CNTN4: variants seen among roughly 807,000 people sequenced by gnomAD.
CNTN4 encodes the protein contactin-4.
Under a neutral mutation model 122.5 loss-of-function variants are expected in CNTN4, and 77 were observed. The observed-to-expected ratio is 0.63, with a 90% CI of 0.52 to 0.76. The LOEUF is 0.76. CNTN4 is among the 30% of genes least tolerant of loss of function. CNTN4 has a pLI of 0.00. For synonymous variants in CNTN4, 512 were observed against 447.0 expected (o/e 1.15, Z -1.83); for missense variants, 1,256 against 1,259.1 (o/e 1.00, Z 0.04).
intron 3 of CNTN4, among the ~76,000 whole-genome samples, chr3:2,447,353 G>A (rs2048664046): frequency 6.6e-6 from 1 of 152,034 alleles, no homozygotes; most frequent in African/African-American, 2.4e-5. Flanking sequence ...AAGAGTTAGT[G>A]TTGTAATAAA....
chr3:3,012,549 A>G (rs1213260654), intron 14 of CNTN4, among the ~76,000 whole-genome samples: 1 of 152,002 alleles, frequency 6.6e-6, no homozygotes, highest in African/African-American at 2.4e-5. Flanking sequence ...TCCTGGGTTC[A>G]TGCAGTTCTC....
At chr3:2,654,951 T>C in intron 4 of CNTN4, among the ~76,000 whole-genome samples, 1 of 152,172 alleles carries the variant, frequency 6.6e-6, no homozygotes, top group East Asian at 1.9e-4. Flanking sequence ...CACTTCAGAA[T>C]GTATAGAACT....
chr3:2,181,031 GTTTGT>G (rs1363057329), intron 2 of CNTN4, among the ~76,000 whole-genome samples: 1 of 152,022 alleles, frequency 6.6e-6, no homozygotes, highest in Non-Finnish European at 1.5e-5. Flanking sequence ...TGGGAAACTT[GTTTGT>G]TTTTAGTTTA....
chr3:2,640,004 T>C (rs181767656), intron 4 of CNTN4, among the ~76,000 whole-genome samples: 2 of 152,314 alleles, frequency 1.3e-5, no homozygotes, highest in African/African-American at 4.8e-5. Context: ...TTAATTGAAT[T>C]CAATGAACCA....
At chr3:2,308,252 TC>T (rs1160307716) in intron 2 of CNTN4, among the ~76,000 whole-genome samples, 37 of 152,042 alleles carry the variant, frequency 2.4e-4, no homozygotes, top group Non-Finnish European at 4.7e-4. Context: ...TCTGTTGTTA[TC>T]CCCCCTTTTA....
chr3:2,810,913 A>T (rs1356651652), intron 6 of CNTN4, among the ~76,000 whole-genome samples: 1 of 152,168 alleles, frequency 6.6e-6, no homozygotes, highest in African/African-American at 2.4e-5. Context: ...GAGGGCTGGA[A>T]TCAGCACCTG....
At chr3:2,962,295 G>A (rs2094869023) in intron 13 of CNTN4, among the ~76,000 whole-genome samples, 1 of 152,166 alleles carries the variant, frequency 6.6e-6, no homozygotes, top group South Asian at 2.1e-4. Flanking sequence ...GTGCAGCACA[G>A]GAAATCCCAG....
intron 2 of CNTN4, among the ~76,000 whole-genome samples, chr3:2,328,687 A>G (rs1236594172): frequency 6.6e-6 from 1 of 152,152 alleles, no homozygotes; most frequent in African/African-American, 2.4e-5. Flanking sequence ...ATAAAAAATA[A>G]CAAAAATGTT....
intron 4 of CNTN4, among the ~76,000 whole-genome samples, chr3:2,708,644 C>T (rs1543148): frequency 0.039 from 5,917 of 150,912 alleles, 175 homozygotes; most frequent in South Asian, 0.11. Flanking sequence ...AATCTGGAGA[C>T]CTTCATGTAC....
chr3:2,163,056 C>T (rs1393900914), intron 2 of CNTN4, among the ~76,000 whole-genome samples: 1 of 152,162 alleles, frequency 6.6e-6, no homozygotes, highest in Non-Finnish European at 1.5e-5. Context: ...AAGGTCATGC[C>T]ACTGCACCCC....
intron 3 of CNTN4, among the ~76,000 whole-genome samples, chr3:2,364,766 C>G (rs550972987): frequency 1.3e-5 from 2 of 152,164 alleles, no homozygotes; most frequent in Admixed American, 1.3e-4. Context: ...TTAGTGATTC[C>G]AACAAAGTTA....
intron 2 of CNTN4, among the ~76,000 whole-genome samples, chr3:2,311,294 C>G (rs1487313042): frequency 2.0e-5 from 3 of 152,090 alleles, no homozygotes; most frequent in African/African-American, 7.2e-5. Context: ...ATTTGAAATA[C>G]TCTTGCCTCT....
chr3:2,344,798 C>A lies in CNTN4; in HGVS notation c.-89+5565C>A, dbSNP rs1685493. ...CAGTTAGGAAATAGACCCTCCATAA[C>A]TGATACTTTTATAATTAGTATTATT... is the stretch of plus-strand genomic sequence containing the variant. On this transcript the variant is annotated intron_variant, in intron 3 of 24. Transcript: ENST00000418658. Among the ~76,000 whole-genome samples, 135 of 152,240 alleles carry A rather than the reference C, an allele frequency of 8.9e-4. 1 individual carries two copies. Among genetic ancestry groups the A allele is most frequent in the Non-Finnish European group, 2.9e-4 (20 of 68,038 alleles).
At position 2,677,179 on chromosome 3, in the gene CNTN4, A is replaced by G. The variant is rs114098613; in HGVS notation, c.56-59036A>G. ...TAGATAGATAGATAGATAGATGTGT[A>G]TATATATAGATATATCTCTCTCTAT... On this transcript the variant is annotated intron_variant, in intron 4 of 24. Transcript: ENST00000418658. 5.9e-3 allele frequency among the ~76,000 whole-genome samples: 853 copies of G among 144,636 alleles called. 4 individuals are homozygous for G. Among genetic ancestry groups the G allele is most frequent in the African/African-American group, 0.021 (811 of 39,044 alleles). The allele number at this position is 144,636 out of a possible 152,430, so 94.9% of individuals were successfully genotyped here.
intron 13 of CNTN4, among the ~76,000 whole-genome samples, chr3:2,986,830 G>A (rs1049497639): frequency 1.3e-5 from 2 of 152,100 alleles, no homozygotes; most frequent in African/African-American, 2.4e-5. Context: ...TCCACTACAC[G>A]CCATCCTGTG....
intron 6 of CNTN4, among the ~76,000 whole-genome samples, chr3:2,813,867 A>C (rs566932119): frequency 7.2e-5 from 11 of 152,264 alleles, no homozygotes; most frequent in Non-Finnish European, 1.6e-4. Context: ...CCTGAATTCC[A>C]AATGTTTTCC....
chr3:2,516,155 A>T (rs912115597), intron 3 of CNTN4, among the ~76,000 whole-genome samples: 1 of 151,866 alleles, frequency 6.6e-6, no homozygotes, highest in South Asian at 2.1e-4. Flanking sequence ...TCCTTATTGA[A>T]CTTGTAGGCT....
At chr3:2,456,235 A>G (rs2048994483) in intron 3 of CNTN4, among the ~76,000 whole-genome samples, 1 of 152,010 alleles carries the variant, frequency 6.6e-6, no homozygotes, top group Non-Finnish European at 1.5e-5. Flanking sequence ...TAATTTCCCC[A>G]TCACTGTGAT....
At chr3:2,107,117 G>T (rs2032510800) in intron 2 of CNTN4, among the ~76,000 whole-genome samples, 1 of 152,182 alleles carries the variant, frequency 6.6e-6, no homozygotes, top group African/African-American at 2.4e-5. Context: ...TCTCTAGTAA[G>T]TTCCAAACTT....
Sources: allele counts gnomAD v4.1 joint callset (sites outside exome capture counted in the v4.1 genomes callset), GRCh38; gene constraint gnomAD v4.1.1; transcripts MANE v1.5; gene names NCBI Gene and HGNC (gene_info 2026-07-23, HGNC 2026-07-21).